NPAS3: variants seen among roughly 807,000 people sequenced by gnomAD.
NPAS3 encodes neuronal PAS domain protein 3, also known as neuronal PAS domain-containing protein 3.
In NPAS3, 14 loss-of-function variants were observed where a neutral mutation model predicts 73.1. The observed-to-expected ratio is 0.19, with a 90% CI of 0.13 to 0.30. The LOEUF is 0.30. NPAS3 is among the 10% of genes least tolerant of loss of function. The pLI is 1.00. For missense variants in NPAS3, 1,096 were observed against 1,250.0 expected, an observed-to-expected ratio of 0.88 and a Z score of 1.86; for synonymous variants, 620 against 541.5, an observed-to-expected ratio of 1.14 and a Z score of -2.01.
At chr14:33,015,494 G>A (rs1205902478) in intron 1 of NPAS3, among the ~76,000 whole-genome samples, 4 of 152,172 alleles carry the variant, frequency 2.6e-5, no homozygotes, top group African/African-American at 9.7e-5. Context: ...TAAAGTAGAG[G>A]TTTTAAGCAG....
At chr14:33,515,558 C>A (rs1276631452) in intron 4 of NPAS3, among the ~76,000 whole-genome samples, 2 of 152,082 alleles carry the variant, frequency 1.3e-5, no homozygotes, top group Admixed American at 6.6e-5. Flanking sequence ...CGCTTTCACT[C>A]TACAACAGCA....
chr14:33,618,826 T>C (rs2057998976), intron 5 of NPAS3, among the ~76,000 whole-genome samples: 2 of 152,220 alleles, frequency 1.3e-5, no homozygotes, highest in Admixed American at 1.3e-4. Context: ...TTCTAGTAAG[T>C]GCAACTTGAA....
At chr14:33,285,672 C>T (rs573684854) in intron 3 of NPAS3, among the ~76,000 whole-genome samples, 2 of 152,346 alleles carry the variant, frequency 1.3e-5, no homozygotes, top group Admixed American at 6.5e-5. Flanking sequence ...TTGTCTCTCT[C>T]ACAACCCTGT....
intron 6 of NPAS3, among the ~76,000 whole-genome samples, chr14:33,712,838 G>A (rs916774339): frequency 4.6e-5 from 7 of 152,256 alleles, no homozygotes; most frequent in South Asian, 4.2e-4. Flanking sequence ...CACATGGGAC[G>A]GGAAGGAGAG....
intron 7 of NPAS3, among the ~76,000 whole-genome samples, chr14:33,746,261 T>C (rs1177606804): frequency 6.6e-6 from 1 of 151,850 alleles, no homozygotes; most frequent in South Asian, 2.1e-4. Flanking sequence ...CGATCTCAGC[T>C]CACTGCAACC....
chr14:33,784,721 T>TTTATTTA (rs2063089229), intron 9 of NPAS3, among the ~76,000 whole-genome samples: 3 of 104,068 alleles, frequency 2.9e-5, no homozygotes, highest in Non-Finnish European at 5.4e-5. Flanking sequence ...TTATTGTTAT[T>TTTATTTA]TTTATTTATT....
chr14:33,106,262 A>C (rs1409206955), intron 2 of NPAS3, among the ~76,000 whole-genome samples: 4 of 152,216 alleles, frequency 2.6e-5, no homozygotes, highest in African/African-American at 9.6e-5. Flanking sequence ...TTTTGAGAAG[A>C]AAAGAAGTAT....
At chr14:33,223,670 C>A (rs2047516660) in intron 3 of NPAS3, among the ~76,000 whole-genome samples, 1 of 152,114 alleles carries the variant, frequency 6.6e-6, no homozygotes. Flanking sequence ...GACTAATAGT[C>A]TTCCTTGGAC....
chr14:33,200,287 TACTAATAG>T, intron 2 of NPAS3, among the ~76,000 whole-genome samples: 5 of 151,998 alleles, frequency 3.3e-5, no homozygotes. Flanking sequence ...GGGCTACTTT[TACTAATAG>T]ACTAAGCCCC....
intron 5 of NPAS3, among the ~76,000 whole-genome samples, chr14:33,598,500 C>A (rs192254053): frequency 1.5e-4 from 23 of 152,298 alleles, no homozygotes; most frequent in Admixed American, 7.2e-4. Context: ...TCTCTCAATC[C>A]GAGCAGTAGG....
chr14:32,977,118 T>C (rs1356237079), intron 1 of NPAS3, among the ~76,000 whole-genome samples: 1 of 147,270 alleles, frequency 6.8e-6, no homozygotes, highest in African/African-American at 2.5e-5. Context: ...AAGATACTTT[T>C]AGATTGCAAC....
intron 2 of NPAS3, among the ~76,000 whole-genome samples, chr14:33,209,890 A>G (rs2046967296): frequency 6.6e-6 from 1 of 152,218 alleles, no homozygotes; most frequent in Non-Finnish European, 1.5e-5. Context: ...AGCTTGGAGA[A>G]GGATTTTTAC....
intron 2 of NPAS3, among the ~76,000 whole-genome samples, chr14:33,197,528 A>C (rs1382840134): frequency 6.6e-6 from 1 of 152,142 alleles, no homozygotes; most frequent in East Asian, 1.9e-4. Flanking sequence ...TTGTCAGAAA[A>C]AAAAAAGAGA....
At chr14:33,465,288 G>A (rs576984423) in intron 4 of NPAS3, among the ~76,000 whole-genome samples, 1 of 152,220 alleles carries the variant, frequency 6.6e-6, no homozygotes, top group South Asian at 2.1e-4. Context: ...ATACATTAAA[G>A]TATTTTAAAC....
intron 2 of NPAS3, among the ~76,000 whole-genome samples, chr14:33,094,362 A>G (rs2042333864): frequency 1.3e-5 from 2 of 152,262 alleles, no homozygotes; most frequent in African/African-American, 4.8e-5. Flanking sequence ...TGTTTTATTT[A>G]TGGTAAACCA....
At chr14:33,193,605 G>A (rs934130921) in intron 2 of NPAS3, among the ~76,000 whole-genome samples, 1 of 152,130 alleles carries the variant, frequency 6.6e-6, no homozygotes, top group African/African-American at 2.4e-5. Context: ...ACAAGATAAT[G>A]TCCTACTTAT....
At chr14:33,610,541 T>G (rs1295656519) in intron 5 of NPAS3, among the ~76,000 whole-genome samples, 1 of 152,246 alleles carries the variant, frequency 6.6e-6, no homozygotes, top group East Asian at 1.9e-4. Context: ...ATCTTGTTTT[T>G]CAGTAATTTA....
intron 3 of NPAS3, among the ~76,000 whole-genome samples, chr14:33,353,924 G>T (rs775164390): frequency 5.3e-5 from 8 of 152,082 alleles, no homozygotes; most frequent in Non-Finnish European, 1.2e-4. Flanking sequence ...TCATTATGTT[G>T]TTTAAACAAC....
At chr14:32,972,644 T>C (rs1354133348) in intron 1 of NPAS3, among the ~76,000 whole-genome samples, 1 of 152,238 alleles carries the variant, frequency 6.6e-6, no homozygotes, top group Non-Finnish European at 1.5e-5. Flanking sequence ...CTCTCCCTCT[T>C]ATTAAAATCT....
Sources: gnomAD v4.1 joint callset for allele counts (sites outside exome capture counted in the v4.1 genomes callset) on GRCh38, gnomAD v4.1.1 for gene constraint, MANE v1.5 for transcripts, NCBI Gene and HGNC (gene_info 2026-07-23, HGNC 2026-07-21) for gene names.